Variants in SLC9B1 observed in about 807,000 individuals in gnomAD.
The protein encoded by SLC9B1 is solute carrier family 9 member B1, also known as sodium/hydrogen exchanger 9B1.
A neutral mutation model predicts 51.7 loss-of-function variants in SLC9B1; 32 were observed. That is an observed-to-expected ratio of 0.62 (90% CI 0.47 to 0.83). The LOEUF (loss-of-function observed/expected upper bound fraction) is 0.83. Among genes scored for constraint, SLC9B1 ranks in the 40% least tolerant of loss-of-function variants. The pLI is 0.00. For missense variants in SLC9B1, 406 were observed against 613.2 expected (o/e 0.66, Z 3.57); for synonymous variants, 145 against 212.7 (o/e 0.68, Z 2.77).
At chr4:103,007,479 G>A (rs1339964395) in intron 1 of SLC9B1, among the ~76,000 whole-genome samples, 1 of 151,676 alleles carries the variant, frequency 6.6e-6, no homozygotes, top group Non-Finnish European at 1.5e-5. Context: ...ATGACACAAA[G>A]GGAAAAACAT....
chr4:102,946,162 T>C (rs1187364182), intron 5 of SLC9B1, among the ~76,000 whole-genome samples: 7 of 152,246 alleles, frequency 4.6e-5, no homozygotes, highest in Non-Finnish European at 1.0e-4. Context: ...GAGACATTTA[T>C]CTCTGTGCAA....
intron 7 of SLC9B1, among the ~76,000 whole-genome samples, chr4:102,927,552 A>C (rs1049090120): frequency 5.3e-5 from 8 of 152,180 alleles, no homozygotes; most frequent in Middle Eastern, 3.2e-3. Flanking sequence ...TTAGAATGGC[A>C]ATCATTAAAA....
chr4:102,940,616 C>T (rs571902071), intron 6 of SLC9B1, among the ~76,000 whole-genome samples: 5 of 152,258 alleles, frequency 3.3e-5, no homozygotes, highest in African/African-American at 9.6e-5. Context: ...TGACTTCGAA[C>T]GGTAGTACAA....
At chr4:102,895,074 G>T (rs1000657367) in intron 11 of SLC9B1, among the ~76,000 whole-genome samples, 1 of 151,974 alleles carries the variant, frequency 6.6e-6, no homozygotes, top group African/African-American at 2.4e-5. Flanking sequence ...TCAGAAAATT[G>T]TTCCAAAAAA....
intron 7 of SLC9B1, among the ~76,000 whole-genome samples, chr4:102,924,622 C>G (rs1242367753): frequency 1.3e-5 from 2 of 152,122 alleles, no homozygotes; most frequent in Non-Finnish European, 2.9e-5. Context: ...GAACAGACAA[C>G]CTACAGAATG....
At chr4:102,981,964 A>C (rs1739385235) in intron 3 of SLC9B1, among the ~76,000 whole-genome samples, 1 of 152,118 alleles carries the variant, frequency 6.6e-6, no homozygotes, top group Non-Finnish European at 1.5e-5. Flanking sequence ...TTATACCTAA[A>C]ACTCATTACC....
intron 7 of SLC9B1, among the ~76,000 whole-genome samples, chr4:102,928,247 T>C (rs1736287290): frequency 6.6e-6 from 1 of 152,138 alleles, no homozygotes; most frequent in Admixed American, 6.6e-5. Context: ...AAAAAGAAGT[T>C]TCTTCTACCA....
At chr4:102,903,609 C>T (rs1734888899) in intron 11 of SLC9B1, among the ~76,000 whole-genome samples, 1 of 152,154 alleles carries the variant, frequency 6.6e-6, no homozygotes, top group South Asian at 2.1e-4. Context: ...GTTTTTTTTG[C>T]ATGAAAATTT....
At chr4:103,004,916 A>C (rs1275134060) in intron 1 of SLC9B1, among the ~76,000 whole-genome samples, 1 of 152,232 alleles carries the variant, frequency 6.6e-6, no homozygotes. Context: ...GATGTGCCTT[A>C]CAAGAGGTCC....
intron 3 of SLC9B1, among the ~76,000 whole-genome samples, chr4:102,958,541 C>G (rs2110485533): frequency 6.6e-6 from 1 of 152,278 alleles, no homozygotes; most frequent in East Asian, 1.9e-4. Flanking sequence ...GTCCCAGCTA[C>G]TTGACAGGCA....
intron 7 of SLC9B1, among the ~76,000 whole-genome samples, chr4:102,928,087 G>A (rs1736278380): frequency 6.6e-6 from 1 of 151,568 alleles, no homozygotes; most frequent in Non-Finnish European, 1.5e-5. Flanking sequence ...GGGGTGGAGG[G>A]CTGGGGGAGG....
At chr4:102,975,274 G>A (rs1453454092) in intron 3 of SLC9B1, among the ~76,000 whole-genome samples, 1 of 152,146 alleles carries the variant, frequency 6.6e-6, no homozygotes, top group African/African-American at 2.4e-5. Flanking sequence ...GCCCCAAAGT[G>A]TTGGGATTAC....
chr4:102,973,012 A>G (rs567691958), intron 3 of SLC9B1, among the ~76,000 whole-genome samples: 1 of 152,322 alleles, frequency 6.6e-6, no homozygotes, highest in East Asian at 1.9e-4. Flanking sequence ...GAGGGGAAAA[A>G]CCTTGATCAA....
chr4:102,936,382 T>C (rs1211695750), intron 6 of SLC9B1, among the ~76,000 whole-genome samples: 3 of 152,230 alleles, frequency 2.0e-5, no homozygotes, highest in African/African-American at 7.2e-5. Context: ...GCAATCATAC[T>C]AACTCTCTAA....
intron 1 of SLC9B1, among the ~76,000 whole-genome samples, chr4:103,008,797 CTTTTTTTTT>C (rs34403441): frequency 2.0e-5 from 2 of 99,458 alleles, no homozygotes; most frequent in Admixed American, 1.2e-4. Context: ...TTAACAGTTT[CTTTTTTTTT>C]TTTTTTTTTT....
intron 1 of SLC9B1, among the ~76,000 whole-genome samples, chr4:103,006,386 A>G (rs769638176): frequency 7.2e-5 from 11 of 152,140 alleles, no homozygotes; most frequent in South Asian, 2.1e-4. Context: ...ACAAATTAGA[A>G]TAACTACAAG....
At chr4:102,970,702 A>G (rs1427117232) in intron 3 of SLC9B1, among the ~76,000 whole-genome samples, 1 of 152,210 alleles carries the variant, frequency 6.6e-6, no homozygotes, top group Admixed American at 6.5e-5. Context: ...CAAACTGGAT[A>G]AAGAGTCAAG....
rs554970756 is a variant in SLC9B1 at position 102,932,353 on chromosome 4, T to C, written c.654-54A>G. 3.8e-4 allele frequency: 559 copies of C among 1,454,782 alleles called. 2 individuals carry two copies. The African/African-American group carries it at 7.0e-3, about 18-fold the overall frequency. The allele number at this position is 1,454,782 out of a possible 1,614,324, so 90.1% of individuals were successfully genotyped here. On this transcript the variant is annotated intron_variant, in intron 6 of 11. Transcript: ENST00000296422. ...AAGCATCTTTTAAATCAAGTAGTGT[T>C]TTATAAGTACAAGTAGTTTATAATA...
At chr4:102,886,315 C>T (rs1287625998) in intron 11 of SLC9B1, among the ~76,000 whole-genome samples, 3 of 151,826 alleles carry the variant, frequency 2.0e-5, no homozygotes, top group Admixed American at 6.6e-5. Context: ...GGTGAAACCC[C>T]GTCTCTACTA....
Sources: allele counts gnomAD v4.1 joint callset (sites outside exome capture counted in the v4.1 genomes callset), GRCh38; gene constraint gnomAD v4.1.1; transcripts MANE v1.5; gene names NCBI Gene and HGNC (gene_info 2026-07-23, HGNC 2026-07-21).